PDK3: variants seen among roughly 807,000 people sequenced by gnomAD.
PDK3 encodes pyruvate dehydrogenase kinase, isozyme 3.
In PDK3, 12 loss-of-function variants were observed where a neutral mutation model predicts 32.0. The observed-to-expected ratio is 0.37, with a 90% CI of 0.24 to 0.61. The LOEUF (loss-of-function observed/expected upper bound fraction) is 0.61. Among genes scored for constraint, PDK3 ranks in the 20% least tolerant of loss-of-function variants. The pLI is 0.65. For missense variants in PDK3, 188 were observed against 316.9 expected, an observed-to-expected ratio of 0.59 and a Z score of 3.09; for synonymous variants, 122 against 116.3, an observed-to-expected ratio of 1.05 and a Z score of -0.31.
At chrX:24,544,310 A>G (rs762125460) in exon 12 of PDK3, among the ~76,000 whole-genome samples, 1 of 111,156 alleles carries the variant, frequency 9.0e-6, no homozygotes, top group South Asian at 3.9e-4. Context: ...TCATCCTAGC[A>G]GGAACATGGT....
intron 4 of PDK3, among the ~76,000 whole-genome samples, chrX:24,504,151 A>G (rs1469430993): frequency 8.9e-6 from 1 of 112,614 alleles, no homozygotes; most frequent in Non-Finnish European, 1.9e-5. Context: ...AAGCATCCAC[A>G]TGTCTAGAGC....
At chrX:24,533,042 G>A (rs1922688815) in intron 10 of PDK3, among the ~76,000 whole-genome samples, 2 of 110,904 alleles carry the variant, frequency 1.8e-5, no homozygotes, top group South Asian at 7.6e-4. Flanking sequence ...TAACAGGTAA[G>A]CACAATGCAA....
Position 24,534,351 on chromosome X carries a change from A to T in PDK3, c.*279A>T, listed in dbSNP as rs778458669. The T allele has an allele frequency of 1.4e-5, 6 of 440,562 alleles. No individual in the cohort carries two copies. Among genetic ancestry groups the T allele is most frequent in the Non-Finnish European group, 1.9e-5 (6 of 315,662 alleles). 36.3% of individuals were successfully genotyped at this position (440,562 alleles called of 1,213,427 possible). A position where few individuals can be genotyped will look rare whatever the true frequency, so the allele number is the denominator to read the frequency against. Reference sequence around the variant, plus strand: ...GGCCTTAAAAAGGAAGGACATTCTGATATGTGCTGCAACATGGGTGAATCT... The same window carrying T: ...GGCCTTAAAAAGGAAGGACATTCTGTTATGTGCTGCAACATGGGTGAATCT... On this transcript the variant is annotated 3_prime_UTR_variant, in exon 11 of 11. Coordinates refer to ENST00000379162, the MANE Select transcript of PDK3 (RefSeq NM_005391.5).
chrX:24,535,504 C>CAA (rs778785042), downstream of PDK3, among the ~76,000 whole-genome samples: 678 of 55,397 alleles, frequency 0.012, 18 homozygotes, highest in African/African-American at 0.046. Context: ...GACTCCATCT[C>CAA]AAAAAAAAAA....
At chrX:24,522,950 G>A (rs1823859682) in intron 6 of PDK3, among the ~76,000 whole-genome samples, 1 of 110,627 alleles carries the variant, frequency 9.0e-6, no homozygotes, top group Non-Finnish European at 1.9e-5. Flanking sequence ...ATAAAATGAC[G>A]ATAAAGGAAT....
intron 1 of PDK3, among the ~76,000 whole-genome samples, chrX:24,481,049 CTT>C (rs758641178): frequency 8.2e-5 from 8 of 97,442 alleles, no homozygotes; most frequent in Non-Finnish European, 1.0e-4. Context: ...TTTTCTTTTT[CTT>C]TTTTTTTTTT....
chrX:24,517,788 G>A (rs1444454879), intron 5 of PDK3, among the ~76,000 whole-genome samples: 1 of 111,626 alleles, frequency 9.0e-6, no homozygotes, highest in African/African-American at 3.3e-5. Flanking sequence ...TTTAAAAAGC[G>A]GACTGTTGCT....
chrX:24,523,119 G>C (rs1186223956), intron 6 of PDK3, among the ~76,000 whole-genome samples: 1 of 110,969 alleles, frequency 9.0e-6, no homozygotes, highest in Non-Finnish European at 1.9e-5. Context: ...GGTTCCTGGA[G>C]ATTTGGTGTC....
chrX:24,523,701 G>C (rs149139807), intron 6 of PDK3, among the ~76,000 whole-genome samples: 1 of 111,949 alleles, frequency 8.9e-6, no homozygotes, highest in South Asian at 3.7e-4. Flanking sequence ...TTTCATGTGA[G>C]TGTTGTTACC....
intron 1 of PDK3, among the ~76,000 whole-genome samples, chrX:24,488,912 A>G (rs761949937): frequency 7.1e-5 from 8 of 112,102 alleles, no homozygotes; most frequent in Non-Finnish European, 1.1e-4. Flanking sequence ...GATGAAGTAT[A>G]TTGAGAAATG....
intron 10 of PDK3, 102 bp from the exon 11 acceptor site, chrX:24,533,827 A>G (rs906657085): frequency 1.1e-6 from 1 of 893,591 alleles, no homozygotes; most frequent in Non-Finnish European, 1.5e-6. Context: ...GAAAATATGT[A>G]TTAAGGTTTC....
chrX:24,490,234 T>TC (rs1405197173), intron 1 of PDK3, among the ~76,000 whole-genome samples: 1 of 111,967 alleles, frequency 8.9e-6, no homozygotes, highest in Admixed American at 9.5e-5. Flanking sequence ...CATCTCAGCC[T>TC]CCCAAGTAGC....
chrX:24,496,725 G>A (rs150306046), intron 2 of PDK3, among the ~76,000 whole-genome samples: 1,148 of 93,566 alleles, frequency 0.012, 14 homozygotes, highest in Middle Eastern at 0.04. Flanking sequence ...GTCACAGTGT[G>A]TCCTCCTTGC....
chrX:24,530,707 T>C (rs1430335591), intron 9 of PDK3, among the ~76,000 whole-genome samples: 1 of 111,577 alleles, frequency 9.0e-6, no homozygotes, highest in African/African-American at 3.3e-5. Context: ...TGGTATTACA[T>C]TTAGTTTTGA....
At chrX:24,496,771 C>CTTTTTTT (rs376346872) in intron 2 of PDK3, among the ~76,000 whole-genome samples, 3 of 35,393 alleles carry the variant, frequency 8.5e-5, no homozygotes, top group Admixed American at 7.3e-4. Context: ...TCAAAATAAT[C>CTTTTTTT]TTTTTTTTTT....
At chrX:24,528,491 A>G (rs1306770078) in intron 9 of PDK3, among the ~76,000 whole-genome samples, 1 of 111,682 alleles carries the variant, frequency 9.0e-6, no homozygotes, top group Non-Finnish European at 1.9e-5. Flanking sequence ...ACTTTGTGCT[A>G]CCCTTGGAAG....
At chrX:24,527,095 T>A (rs1407257688) in intron 7 of PDK3, among the ~76,000 whole-genome samples, 1 of 111,779 alleles carries the variant, frequency 8.9e-6, no homozygotes, top group Non-Finnish European at 1.9e-5. Context: ...TTTCTTCTAC[T>A]TTTTTCAGCC....
At chrX:24,496,769 A>ATAT (rs1569221835) in intron 2 of PDK3, among the ~76,000 whole-genome samples, 1 of 73,005 alleles carries the variant, frequency 1.4e-5, no homozygotes, top group African/African-American at 6.2e-5. Flanking sequence ...CCTCAAAATA[A>ATAT]TCTTTTTTTT....
intron 5 of PDK3, among the ~76,000 whole-genome samples, chrX:24,515,740 A>G (rs1340882103): frequency 8.9e-6 from 1 of 112,177 alleles, no homozygotes; most frequent in Non-Finnish European, 1.9e-5. Context: ...CAGATATTTG[A>G]TAAGGTTTAT....
Sources: gnomAD v4.1 joint callset for allele counts (sites outside exome capture counted in the v4.1 genomes callset) on GRCh38, gnomAD v4.1.1 for gene constraint, MANE v1.5 for transcripts, NCBI Gene and HGNC (gene_info 2026-07-23, HGNC 2026-07-21) for gene names.